Variants in SEPTIN12 observed in about 807,000 individuals in gnomAD.
SEPTIN12 encodes the protein septin 12, also known as septin-12.
In SEPTIN12, 42 loss-of-function variants were observed where a neutral mutation model predicts 37.7. That is an observed-to-expected ratio of 1.11 (90% CI 0.87 to 1.44). The LOEUF (loss-of-function observed/expected upper bound fraction) is 1.44. SEPTIN12 is among the 40% of genes most tolerant of loss of function. The pLI is 0.00. For synonymous variants in SEPTIN12, 254 were observed against 196.7 expected (o/e 1.29, Z -2.44); for missense variants, 613 against 479.2 (o/e 1.28, Z -2.61).
At chr16:4,784,107 G>A (rs761532489) in intron 4 of SEPTIN12, 39 bp from the exon 5 acceptor site, 9 of 1,611,064 alleles carry the variant, frequency 5.6e-6, no homozygotes, top group Non-Finnish European at 6.8e-6. Context: ...GAACTGTGCT[G>A]TGCCCAGAGA....
At chr16:4,786,291 C>T (rs900563964) in intron 2 of SEPTIN12, among the ~76,000 whole-genome samples, 186 bp from the exon 3 acceptor site, 18 of 151,374 alleles carry the variant, frequency 1.2e-4, no homozygotes, top group Non-Finnish European at 2.7e-4. Flanking sequence ...TCTCGCACCT[C>T]GGCCTCCCTA....
intron 4 of SEPTIN12, chr16:4,784,330 G>A (rs2082410028): frequency 4.1e-6 from 2 of 483,842 alleles, no homozygotes; most frequent in Non-Finnish European, 3.8e-6. Flanking sequence ...GGAGGGGTGA[G>A]CATTAACTGT....
At chr16:4,779,292 G>C (rs899832664) in intron 8 of SEPTIN12, among the ~76,000 whole-genome samples, 1 of 152,070 alleles carries the variant, frequency 6.6e-6, no homozygotes, top group South Asian at 2.1e-4. Context: ...TGTCCTGTCA[G>C]CTCTATGGGG....
At chr16:4,788,501 A>G (rs563585822), upstream of SEPTIN12, 2 of 152,294 alleles carry the variant, frequency 1.3e-5, no homozygotes, top group African/African-American at 4.8e-5. Flanking sequence ...AATAATCCCC[A>G]AGTAGAACCA....
intron 2 of SEPTIN12, among the ~76,000 whole-genome samples, chr16:4,786,587 C>G (rs2082453475): frequency 6.6e-6 from 1 of 151,738 alleles, no homozygotes. Context: ...GATTTCCTGA[C>G]CTCATGATCC....
In SEPTIN12 at chr16:4,779,903, G is replaced by A; in HGVS notation, c.727-117C>T. 3 of 711,512 alleles carry A rather than the reference G, an allele frequency of 4.2e-6. No individual in the cohort carries two copies. The South Asian group carries it at 4.6e-5, about 11-fold the overall frequency. 44.1% of individuals were successfully genotyped at this position (711,512 alleles called of 1,614,324 possible). A position where few individuals can be genotyped will look rare whatever the true frequency, so the allele number is the denominator to read the frequency against. ...CTATCCTTTTCGAGGAGGGAACATG[G>A]TAGAAAGTGCACAGAATTCCCAAGT... On this transcript the variant is annotated intron_variant, in intron 7 of 9. Transcript: ENST00000268231.
In SEPTIN12 at chr16:4,785,843, G is replaced by T. The variant is rs372949422; in HGVS notation, c.338C>A (p.Thr113Lys). 3.1e-6 allele frequency: 5 copies of T among 1,613,194 alleles called. No individual in the cohort carries two copies. Among genetic ancestry groups the T allele is most frequent in the Non-Finnish European group, 4.2e-6 (5 of 1,179,822 alleles). Residue 113 changes from threonine to lysine, a missense_variant, in exon 4 of 10, where the codon ACG (threonine) becomes AAG (lysine). Thr to Lys is a moderately conservative substitution (Grantham distance 78). Transcript: ENST00000268231. ...GVKLKLTVTDTPGFGDQINND... is the reference protein window; with the variant it reads ...GVKLKLTVTDKPGFGDQINND... ...GTTGATCTGGTCCCCGAAGCCGGGC[G>T]TGTCCGTCACCGTCAGCTTCAGCTT...
Position 4,783,297 on chromosome 16 carries a change from A to G in SEPTIN12, c.726+165T>C, listed in dbSNP as rs1314377262. On this transcript the variant is annotated intron_variant, in intron 7 of 9. Coordinates refer to ENST00000268231, the MANE Select transcript of SEPTIN12 (RefSeq NM_144605.5). Reference sequence around the variant, plus strand: ...TCCGATTCTGTGGGTTGTTAGTGTGAGCTGTTATTTCTTGCTCACCTTGAG... The same window carrying G: ...TCCGATTCTGTGGGTTGTTAGTGTGGGCTGTTATTTCTTGCTCACCTTGAG... 3 of 639,120 alleles carry G rather than the reference A, an allele frequency of 4.7e-6. No homozygotes were observed. The East Asian group carries it at 8.1e-5, about 17-fold the overall frequency. The allele number at this position is 639,120 out of a possible 1,614,324, so 39.6% of individuals were successfully genotyped here. A position where few individuals can be genotyped will look rare whatever the true frequency, so the allele number is the denominator to read the frequency against.
intron 7 of SEPTIN12, among the ~76,000 whole-genome samples, chr16:4,780,807 T>C (rs2082364063): frequency 6.6e-6 from 1 of 152,144 alleles, no homozygotes; most frequent in African/African-American, 2.4e-5. Context: ...GGTGAAACCC[T>C]GTCTCTAGGA....
upstream of SEPTIN12, among the ~76,000 whole-genome samples, chr16:4,789,426 C>T (rs183295514): frequency 5.5e-3 from 836 of 151,748 alleles, 8 homozygotes; most frequent in African/African-American, 0.019. Flanking sequence ...CCCGGGTTCA[C>T]GCCGCTCTCC....
chr16:4,784,940 G>A (rs8047892), intron 4 of SEPTIN12, among the ~76,000 whole-genome samples: 10,124 of 151,252 alleles, frequency 0.067, 1,112 homozygotes, highest in African/African-American at 0.23. Flanking sequence ...GGAAATCCCC[G>A]TCTCTACTAA....
chr16:4,783,863 T>C, intron 5 of SEPTIN12, 68 bp downstream of exon 5: 2 of 1,607,174 alleles, frequency 1.2e-6, no homozygotes, highest in African/African-American at 1.3e-5. Context: ...CAGCCCATGG[T>C]GGGGACCCCT....
chr16:4,781,221 T>C (rs2082368176), intron 7 of SEPTIN12, among the ~76,000 whole-genome samples: 1 of 150,490 alleles, frequency 6.6e-6, no homozygotes, highest in South Asian at 2.1e-4. Context: ...ATCACGCCAC[T>C]ATACTCCAGC....
intron 4 of SEPTIN12, 185 bp from the exon 5 acceptor site, chr16:4,784,253 C>T: frequency 3.2e-6 from 2 of 616,004 alleles, no homozygotes; most frequent in South Asian, 3.8e-5. Context: ...ACAGGGAGAC[C>T]TCCTGCCATT....
intron 8 of SEPTIN12, among the ~76,000 whole-genome samples, chr16:4,779,171 T>A (rs979238139): frequency 1.3e-5 from 2 of 151,972 alleles, no homozygotes; most frequent in African/African-American, 2.4e-5. Flanking sequence ...TAATAATACA[T>A]CAGGGGCTAC....
intron 2 of SEPTIN12, 22 bp downstream of exon 2, chr16:4,787,458 G>A (rs751433152): frequency 3.5e-5 from 56 of 1,609,150 alleles, no homozygotes; most frequent in East Asian, 8.9e-5. Context: ...CTGTCCTGCC[G>A]TGGGCCCTAC....
intron 2 of SEPTIN12, among the ~76,000 whole-genome samples, chr16:4,787,064 C>T (rs572804114): frequency 3.9e-5 from 6 of 152,186 alleles, no homozygotes; most frequent in South Asian, 2.1e-4. Context: ...TTAGTAGAGA[C>T]GGAGTTTCCC....
chr16:4,791,362 C>T (rs757565203), upstream of SEPTIN12, among the ~76,000 whole-genome samples: 31 of 152,174 alleles, frequency 2.0e-4, no homozygotes, highest in Non-Finnish European at 4.0e-4. Context: ...TGGAATCACA[C>T]GTCAACACGG....
chr16:4,787,470 T>G lies in SEPTIN12; in HGVS notation c.166+10A>C. The G allele has an allele frequency of 6.2e-7, 1 of 1,611,600 alleles. No individual in the cohort carries two copies. The highest frequency in any genetic ancestry group is 8.5e-7 in the Non-Finnish European group (1 of 1,179,710). ...GGTCTGTCCTGCCGTGGGCCCTACC[T>G]CTCACTCACCCACCACCATGATGTT... is the stretch of plus-strand genomic sequence containing the variant. On this transcript the variant is annotated intron_variant, in intron 2 of 9. Transcript: ENST00000268231.
Sources: allele counts gnomAD v4.1 joint callset (sites outside exome capture counted in the v4.1 genomes callset), GRCh38; gene constraint gnomAD v4.1.1; transcripts MANE v1.5; gene names NCBI Gene and HGNC (gene_info 2026-07-23, HGNC 2026-07-21).